The following MYO16 variants were observed in gnomAD, a reference collection of about 807,000 sequenced individuals.
MYO16 encodes myosin XVI, also known as unconventional myosin-XVI.
MYO16 carries 94 observed loss-of-function variants against 205.3 expected under a neutral mutation model. The ratio of observed to expected loss-of-function variants is 0.46; its 90% CI spans 0.39 to 0.54. The LOEUF (loss-of-function observed/expected upper bound fraction) is 0.54. Among genes scored for constraint, MYO16 ranks in the 20% least tolerant of loss-of-function variants. The pLI is 0.00. For missense variants in MYO16, 2,315 were observed against 2,387.5 expected (o/e 0.97, Z 0.63); for synonymous variants, 988 against 954.0 (o/e 1.04, Z -0.66).
intron 13 of MYO16, 32 bp downstream of exon 13, chr13:108,883,218 C>T (rs745720291): frequency 3.1e-6 from 5 of 1,603,072 alleles, no homozygotes; most frequent in Non-Finnish European, 4.3e-6. Context: ...CTGCCAGGCT[C>T]AGGTTTGCCA....
chr13:108,543,654 A>G, the MYO16 span, among the ~76,000 whole-genome samples: 1 of 150,610 alleles, frequency 6.6e-6, no homozygotes, highest in African/African-American at 2.4e-5. Flanking sequence ...GAAAAAAAAA[A>G]AAAAAAAAAG....
At chr13:108,972,245 C>CTA (rs1374363684) in intron 20 of MYO16, among the ~76,000 whole-genome samples, 3 of 8,604 alleles carry the variant, frequency 3.5e-4, no homozygotes, top group Admixed American at 1.8e-3. Context: ...CTCTCTCTCT[C>CTA]TCTCTATATA....
At chr13:109,049,222 G>A (rs1342363759) in intron 24 of MYO16, among the ~76,000 whole-genome samples, 1 of 151,992 alleles carries the variant, frequency 6.6e-6, no homozygotes, top group Non-Finnish European at 1.5e-5. Flanking sequence ...TATATAGAGT[G>A]ACATGAAGAA....
At chr13:108,670,892 A>C (rs1881957517) in intron 2 of MYO16, among the ~76,000 whole-genome samples, 1 of 152,232 alleles carries the variant, frequency 6.6e-6, no homozygotes, top group South Asian at 2.1e-4. Context: ...CATAATTAAA[A>C]TCTGTTGATA....
chr13:108,641,357 T>C (rs1594167897), intron 1 of MYO16, among the ~76,000 whole-genome samples: 1 of 152,194 alleles, frequency 6.6e-6, no homozygotes, highest in Non-Finnish European at 1.5e-5. Context: ...ACTTGAGTTA[T>C]TGATTATCTA....
chr13:108,499,256 A>G, the MYO16 span, among the ~76,000 whole-genome samples: 155 of 152,348 alleles, frequency 1.0e-3, 5 homozygotes, highest in East Asian at 0.029. Flanking sequence ...TTTCCTGAAA[A>G]TGAGTAGTCA....
chr13:108,893,836 C>T (rs944923844), intron 14 of MYO16, among the ~76,000 whole-genome samples: 3 of 151,880 alleles, frequency 2.0e-5, no homozygotes, highest in Admixed American at 6.6e-5. Flanking sequence ...AATTTTGCCT[C>T]AAATCCTAGG....
chr13:109,024,346 A>C (rs1284475334), intron 23 of MYO16, among the ~76,000 whole-genome samples: 1 of 152,008 alleles, frequency 6.6e-6, no homozygotes, highest in African/African-American at 2.4e-5. Context: ...GCGGATATGT[A>C]CTTGATGTGC....
At chr13:109,171,021 C>A (rs928639316) in intron 33 of MYO16, among the ~76,000 whole-genome samples, 1 of 152,212 alleles carries the variant, frequency 6.6e-6, no homozygotes, top group Non-Finnish European at 1.5e-5. Context: ...TTCAAAGCAA[C>A]TTGACACATT....
chr13:109,046,453 C>G (rs1318067293), intron 23 of MYO16, among the ~76,000 whole-genome samples: 1 of 152,060 alleles, frequency 6.6e-6, no homozygotes, highest in African/African-American at 2.4e-5. Context: ...TAATTGTTTC[C>G]TATGTGTTCT....
chr13:109,126,468 G>A (rs933432839), intron 30 of MYO16, among the ~76,000 whole-genome samples: 6 of 152,142 alleles, frequency 3.9e-5, no homozygotes, highest in Admixed American at 6.5e-5. Flanking sequence ...ACATGATTAC[G>A]TTGACATGCG....
the MYO16 span, among the ~76,000 whole-genome samples, chr13:108,562,508 T>C: frequency 6.6e-6 from 1 of 152,178 alleles, no homozygotes; most frequent in African/African-American, 2.4e-5. Context: ...GTTTTAAGGA[T>C]GGCATATTTA....
At chr13:108,808,158 T>C (rs1372141534) in intron 7 of MYO16, among the ~76,000 whole-genome samples, 1 of 152,100 alleles carries the variant, frequency 6.6e-6, no homozygotes, top group Non-Finnish European at 1.5e-5. Flanking sequence ...AGCCATCAGA[T>C]GAAGCTACTG....
At chr13:108,997,540 T>C (rs989104372) in intron 21 of MYO16, among the ~76,000 whole-genome samples, 1 of 151,882 alleles carries the variant, frequency 6.6e-6, no homozygotes, top group Non-Finnish European at 1.5e-5. Flanking sequence ...TTGCAGAAGA[T>C]AGAATTGTGA....
At chr13:108,925,092 T>TCATCCAGAGG (rs1327416251) in intron 16 of MYO16, among the ~76,000 whole-genome samples, 1 of 152,142 alleles carries the variant, frequency 6.6e-6, no homozygotes. Flanking sequence ...TTGCTGAGCA[T>TCATCCAGAGG]CATCCAGAGG....
At chr13:108,611,953 ATATTCTTTTT>A (rs1410888102) in intron 1 of MYO16, among the ~76,000 whole-genome samples, 1 of 148,386 alleles carries the variant, frequency 6.7e-6, no homozygotes, top group Non-Finnish European at 1.5e-5. Flanking sequence ...AAGGCAGGTA[ATATTCTTTTT>A]TTTTTTTTCT....
intron 32 of MYO16, among the ~76,000 whole-genome samples, chr13:109,151,267 T>C (rs911170218): frequency 1.3e-5 from 2 of 152,232 alleles, no homozygotes; most frequent in Admixed American, 1.3e-4. Flanking sequence ...TGTGCAGAGC[T>C]TCTCAGGCCT....
chr13:108,765,870 A>C (rs1885762135), intron 4 of MYO16, among the ~76,000 whole-genome samples: 1 of 151,978 alleles, frequency 6.6e-6, no homozygotes, highest in South Asian at 2.1e-4. Flanking sequence ...ATAAGTACTG[A>C]CCTCCGGCAG....
intron 1 of MYO16, among the ~76,000 whole-genome samples, chr13:108,612,064 T>C (rs1234832569): frequency 1.3e-5 from 2 of 151,454 alleles, no homozygotes; most frequent in Non-Finnish European, 2.9e-5. Context: ...CTCTTTACTT[T>C]CTTCACATAT....
Sources: gnomAD v4.1 joint callset for allele counts (sites outside exome capture counted in the v4.1 genomes callset) on GRCh38, gnomAD v4.1.1 for gene constraint, MANE v1.5 for transcripts, NCBI Gene and HGNC (gene_info 2026-07-23, HGNC 2026-07-21) for gene names.